Variants in TLN2 observed in about 807,000 individuals in gnomAD.
The protein encoded by TLN2 is talin 2, also known as talin-2.
Under a neutral mutation model 294.7 loss-of-function variants are expected in TLN2, and 118 were observed. That is an observed-to-expected ratio of 0.40 (90% CI 0.34 to 0.47). The LOEUF is 0.47. Among genes scored for constraint, TLN2 ranks in the 20% least tolerant of loss-of-function variants. TLN2 has a pLI of 0.84. For missense variants in TLN2, 3,083 were observed against 3,282.2 expected, an observed-to-expected ratio of 0.94 and a Z score of 1.48; for synonymous variants, 1,431 against 1,304.5, an observed-to-expected ratio of 1.10 and a Z score of -2.09.
intron 37 of TLN2, among the ~76,000 whole-genome samples, chr15:62,757,025 A>C (rs563110442): frequency 6.6e-6 from 1 of 152,362 alleles, no homozygotes; most frequent in South Asian, 2.1e-4. Context: ...AATTACCATC[A>C]TAGTTCACAG....
At chr15:62,463,609 G>A (rs192822224) in intron 1 of TLN2, among the ~76,000 whole-genome samples, 31 of 152,300 alleles carry the variant, frequency 2.0e-4, no homozygotes, top group Non-Finnish European at 3.8e-4. Flanking sequence ...GAAACAGGCC[G>A]GCGCGGTGCC....
intron 2 of TLN2, among the ~76,000 whole-genome samples, chr15:62,595,131 A>G (rs911523270): frequency 2.6e-5 from 4 of 152,212 alleles, no homozygotes; most frequent in African/African-American, 9.6e-5. Context: ...CATCAAAACA[A>G]TGAAAGATGG....
intron 51 of TLN2, among the ~76,000 whole-genome samples, chr15:62,809,413 C>G (rs886256716): frequency 2.6e-5 from 4 of 152,086 alleles, no homozygotes; most frequent in Non-Finnish European, 5.9e-5. Context: ...TGAAGTTTCC[C>G]AGGAGCTAGA....
intron 46 of TLN2, 67 bp from the exon 47 acceptor site, chr15:62,796,060 A>G: frequency 6.4e-7 from 1 of 1,560,782 alleles, no homozygotes; most frequent in Non-Finnish European, 8.7e-7. Context: ...CATTATTTTC[A>G]GAATCTGCTT....
At chr15:62,453,008 A>G (rs890557981) in intron 1 of TLN2, among the ~76,000 whole-genome samples, 1 of 152,256 alleles carries the variant, frequency 6.6e-6, no homozygotes, top group Non-Finnish European at 1.5e-5. Context: ...TAAACAGTCT[A>G]TCATTTATAG....
rs183940732 is a variant in TLN2 at position 62,701,223 on chromosome 15, C to T, written c.1696+9C>T. 62 of 1,609,214 alleles carry T rather than the reference C, an allele frequency of 3.9e-5. No individual in the cohort carries two copies. Among genetic ancestry groups the T allele is most frequent in the Admixed American group, 1.2e-4 (7 of 59,576 alleles). Reference sequence around the variant, plus strand: ...TGTTAACCTCACAGCTGGTAAGTCCCGGAGAGATTTGTGCTGCATTGGGGT... The same window carrying T: ...TGTTAACCTCACAGCTGGTAAGTCCTGGAGAGATTTGTGCTGCATTGGGGT... On this transcript the variant is annotated intron_variant, in intron 17 of 58. Transcript: ENST00000636159.
At chr15:62,523,588 A>C (rs1056788720) in intron 1 of TLN2, among the ~76,000 whole-genome samples, 3 of 152,254 alleles carry the variant, frequency 2.0e-5, no homozygotes, top group Non-Finnish European at 4.4e-5. Context: ...AAAAGTTCAC[A>C]AATCCATTGG....
At chr15:62,671,619 A>G (rs1342453533) in intron 9 of TLN2, among the ~76,000 whole-genome samples, 3 of 152,220 alleles carry the variant, frequency 2.0e-5, no homozygotes, top group Non-Finnish European at 2.9e-5. Context: ...TGGACTCTCA[A>G]TTCTATTCTA....
At chr15:62,777,588 CAT>C (rs994429495) in intron 43 of TLN2, among the ~76,000 whole-genome samples, 3 of 151,428 alleles carry the variant, frequency 2.0e-5, no homozygotes, top group African/African-American at 4.8e-5. Context: ...ATTTTGGAAT[CAT>C]GTGGAGCTTT....
intron 1 of TLN2, among the ~76,000 whole-genome samples, chr15:62,519,019 A>C (rs537374221): frequency 6.6e-6 from 1 of 152,326 alleles, no homozygotes; most frequent in Admixed American, 6.5e-5. Flanking sequence ...ACTTCACAGC[A>C]ATTCTAAGAG....
chr15:62,760,408 G>T (rs1271993376), intron 37 of TLN2, among the ~76,000 whole-genome samples: 1 of 152,052 alleles, frequency 6.6e-6, no homozygotes, highest in Non-Finnish European at 1.5e-5. Context: ...TCTCAGATCT[G>T]CTTTGCTTGG....
intron 3 of TLN2, among the ~76,000 whole-genome samples, chr15:62,627,030 G>T (rs998339089): frequency 6.6e-6 from 1 of 152,192 alleles, no homozygotes. Flanking sequence ...TATATTGCTG[G>T]GGTTGCAAGG....
At chr15:62,567,774 G>A (rs930168004) in intron 1 of TLN2, among the ~76,000 whole-genome samples, 7 of 152,198 alleles carry the variant, frequency 4.6e-5, no homozygotes, top group Admixed American at 3.3e-4. Flanking sequence ...GGGAGGTGGA[G>A]GTTGCAGTGA....
chr15:62,682,451 G>T (rs1224585235), intron 11 of TLN2, among the ~76,000 whole-genome samples: 3 of 152,170 alleles, frequency 2.0e-5, no homozygotes, highest in African/African-American at 7.2e-5. Context: ...GCATTAGGCA[G>T]CAGTATTCTC....
At chr15:62,660,906 G>A (rs1050232331) in intron 9 of TLN2, among the ~76,000 whole-genome samples, 7 of 152,178 alleles carry the variant, frequency 4.6e-5, no homozygotes, top group Non-Finnish European at 1.0e-4. Flanking sequence ...TCTCAACAAA[G>A]TCCAACTTTT....
At chr15:62,650,261 A>G (rs2052437884) in intron 5 of TLN2, 80 bp downstream of exon 5, 5 of 1,428,208 alleles carry the variant, frequency 3.5e-6, no homozygotes, top group South Asian at 2.4e-5. Flanking sequence ...CGGTTACGCT[A>G]TTTTGATTCA....
chr15:62,682,152 C>G (rs2056891635), intron 11 of TLN2, among the ~76,000 whole-genome samples: 1 of 152,222 alleles, frequency 6.6e-6, no homozygotes, highest in Non-Finnish European at 1.5e-5. Context: ...CTTTGCCAAT[C>G]ATGCTACTCA....
At chr15:62,563,397 T>C (rs1026415379) in intron 1 of TLN2, among the ~76,000 whole-genome samples, 2 of 152,234 alleles carry the variant, frequency 1.3e-5, no homozygotes, top group Non-Finnish European at 2.9e-5. Context: ...TACCTTCTTT[T>C]GAAAATTGTC....
chr15:62,415,574 A>AAAAATGG (rs2034025561), intron 1 of TLN2, among the ~76,000 whole-genome samples: 2 of 152,004 alleles, frequency 1.3e-5, no homozygotes, highest in Admixed American at 6.6e-5. Flanking sequence ...GTGCCCATTC[A>AAAAATGG]TTTAACCCCT....
Sources: gnomAD v4.1 joint callset for allele counts (sites outside exome capture counted in the v4.1 genomes callset) on GRCh38, gnomAD v4.1.1 for gene constraint, MANE v1.5 for transcripts, NCBI Gene and HGNC (gene_info 2026-07-23, HGNC 2026-07-21) for gene names.